ATP2B2: variants seen among roughly 807,000 people sequenced by gnomAD.
ATP2B2 encodes the protein ATPase plasma membrane Ca2+ transporting 2.
In ATP2B2, 15 loss-of-function variants were observed where a neutral mutation model predicts 120.0. The ratio of observed to expected loss-of-function variants is 0.12; its 90% CI spans 0.08 to 0.19. The LOEUF (loss-of-function observed/expected upper bound fraction) is 0.19. Ranked by LOEUF, ATP2B2 falls within the 10% of genes least tolerant of loss-of-function variation. ATP2B2 has a pLI of 1.00. For synonymous variants in ATP2B2, 694 were observed against 700.3 expected (o/e 0.99, Z 0.14); for missense variants, 1,045 against 1,719.8 (o/e 0.61, Z 6.94).
At chr3:10,552,253 A>G (rs1043632559) in intron 2 of ATP2B2, among the ~76,000 whole-genome samples, 4 of 152,324 alleles carry the variant, frequency 2.6e-5, no homozygotes, top group African/African-American at 9.6e-5. Flanking sequence ...GCCCCTGTGG[A>G]GCTACTCTGT....
intron 2 of ATP2B2, among the ~76,000 whole-genome samples, chr3:10,441,308 C>T (rs997596590): frequency 2.0e-5 from 3 of 152,106 alleles, no homozygotes; most frequent in Non-Finnish European, 4.4e-5. Flanking sequence ...AGGCTGATCT[C>T]GGCTCACTGC....
intron 1 of ATP2B2, among the ~76,000 whole-genome samples, chr3:10,699,639 G>A (rs1030944809): frequency 5.3e-5 from 8 of 152,108 alleles, no homozygotes; most frequent in East Asian, 1.9e-4. Context: ...GTTTAAGTGT[G>A]TTCCCCAAAG....
In ATP2B2 at chr3:10,371,991, C is replaced by A; in HGVS notation, c.1477G>T (p.Ala493Ser). The change falls in exon 12 of 23, where the codon GCC (alanine) becomes TCC (serine). Residue 493 changes from alanine (A) to serine (S), a missense_variant. This residue lies in a region of ATP2B2 where 343 missense variants were observed against 536.8 expected (regional missense o/e 0.64). Transcript: ENST00000360273. Reference sequence around the variant, plus strand: ...GTCTTGTCTGAGCAGATGGCTGTGGCATTGCCCATGGTCTCACAGGCATCC... The same window carrying A: ...GTCTTGTCTGAGCAGATGGCTGTGGAATTGCCCATGGTCTCACAGGCATCC... The part of the protein sequence containing the change: ...HLDACETMGN[A>S]TAICSDKTGT... 6.2e-7 allele frequency: 1 copy of A among 1,614,192 alleles called. No homozygotes were observed. Among genetic ancestry groups the A allele is most frequent in the African/African-American group, 1.3e-5 (1 of 75,026 alleles).
chr3:10,621,932 C>A (rs1429866497), intron 1 of ATP2B2, among the ~76,000 whole-genome samples: 6 of 152,256 alleles, frequency 3.9e-5, no homozygotes, highest in Admixed American at 2.0e-4. Flanking sequence ...ACACGCAGCG[C>A]CCCATTAAGC....
chr3:10,385,174 T>C (rs2061638285), intron 8 of ATP2B2, 94 bp downstream of exon 8: 2 of 1,263,138 alleles, frequency 1.6e-6, no homozygotes, highest in Admixed American at 3.6e-5. Context: ...CCGAGATCTG[T>C]GCAGTCCAGA....
intron 6 of ATP2B2, 111 bp from the exon 7 acceptor site, chr3:10,386,623 A>C: frequency 8.5e-7 from 1 of 1,171,914 alleles, no homozygotes; most frequent in Non-Finnish European, 1.3e-6. Context: ...ATGGCCATAC[A>C]CCTAGGGTCA....
intron 1 of ATP2B2, among the ~76,000 whole-genome samples, chr3:10,488,416 T>C (rs1471010002): frequency 4.6e-5 from 7 of 151,126 alleles, no homozygotes; most frequent in Non-Finnish European, 8.9e-5. Flanking sequence ...CACCCACCCA[T>C]TCATCTCTTC....
intron 3 of ATP2B2, among the ~76,000 whole-genome samples, chr3:10,514,201 C>T (rs1044832553): frequency 6.6e-6 from 1 of 152,190 alleles, no homozygotes. Flanking sequence ...TCCTTAGTCC[C>T]TGCCTGTTCT....
intron 2 of ATP2B2, among the ~76,000 whole-genome samples, chr3:10,574,233 C>G (rs1330124151): frequency 6.6e-6 from 1 of 152,222 alleles, no homozygotes; most frequent in African/African-American, 2.4e-5. Flanking sequence ...GCCTAGGAGT[C>G]TATTCCACAT....
Position 10,410,484 on chromosome 3 carries a change from T to TG in ATP2B2, c.397+133dup. On this transcript the variant is annotated intron_variant, in intron 3 of 22. Coordinates refer to ENST00000360273, the MANE Select transcript of ATP2B2 (RefSeq NM_001001331.4). ...ACCCTTTGGCTGTGTTGGCTATGGGTGGGGCCCTGCCCCTTGGACCTCGGT... is the reference window on the plus strand; with the variant it reads ...ACCCTTTGGCTGTGTTGGCTATGGGTGGGGGCCCTGCCCCTTGGACCTCGGT... The TG allele has an allele frequency of 3.4e-6, 4 of 1,163,774 alleles. No homozygotes were observed. In the South Asian group the frequency reaches 6.2e-5, roughly 18 times the overall value. 72.1% of individuals were successfully genotyped at this position (1,163,774 alleles called of 1,614,324 possible).
At chr3:10,348,519 C>T (rs1033328038) in intron 16 of ATP2B2, among the ~76,000 whole-genome samples, 7 of 152,220 alleles carry the variant, frequency 4.6e-5, no homozygotes, top group African/African-American at 1.7e-4. Flanking sequence ...CCACCTGCTC[C>T]AGTCTCCTGT....
At position 10,475,650 on chromosome 3, in the gene ATP2B2, C is replaced by T. The variant is rs559524809; in HGVS notation, c.-319-25788G>A. ...CCTGCCTAGGCTTTTATAGGCCTAA[C>T]CCTGTTAGAGGAGTTCTGCAGTTCC... is the stretch of plus-strand genomic sequence containing the variant. On this transcript the variant is annotated intron_variant, in intron 1 of 22. Coordinates refer to ENST00000360273, the MANE Select transcript of ATP2B2 (RefSeq NM_001001331.4). Among the ~76,000 whole-genome samples, 14 of 152,294 alleles carry T rather than the reference C, an allele frequency of 9.2e-5. No individual in the cohort carries two copies. The South Asian group carries it at 2.9e-3, about 32-fold the overall frequency.
chr3:10,667,825 A>G (rs77987437), intron 1 of ATP2B2, among the ~76,000 whole-genome samples: 4,273 of 152,322 alleles, frequency 0.028, 78 homozygotes, highest in South Asian at 0.088. Context: ...AAAAACCTCC[A>G]GCAGTCCAGG....
At chr3:10,508,164 G>A (rs113222553), upstream of ATP2B2, among the ~76,000 whole-genome samples, 4,544 of 152,216 alleles carry the variant, frequency 0.03, 143 homozygotes, top group East Asian at 0.16. Context: ...GTCTTTCAGC[G>A]CCTGCATCCA....
At position 10,351,612 on chromosome 3, in the gene ATP2B2, C is replaced by T. The variant is rs145949657; in HGVS notation, c.2137-1035G>A. Among the ~76,000 whole-genome samples the T allele has an allele frequency of 2.0e-3, 302 of 152,240 alleles. 2 individuals are homozygous for T. Among genetic ancestry groups the T allele is most frequent in the African/African-American group, 7.0e-3 (289 of 41,528 alleles). On this transcript the variant is annotated intron_variant, in intron 14 of 22. Transcript: ENST00000360273. The stretch of plus-strand genomic sequence containing the variant: ...GACTATGGATTGAGTTGTATTCCCC[C>T]CAAAAGACAGACTGGAGCCCTAAGC...
chr3:10,399,110 A>C (rs933848632), intron 5 of ATP2B2, among the ~76,000 whole-genome samples: 1 of 152,152 alleles, frequency 6.6e-6, no homozygotes, highest in Non-Finnish European at 1.5e-5. Flanking sequence ...AACTGTCTGA[A>C]GTTTCCATCT....
intron 1 of ATP2B2, among the ~76,000 whole-genome samples, chr3:10,649,642 G>C (rs535270941): frequency 8.5e-5 from 13 of 152,336 alleles, no homozygotes; most frequent in African/African-American, 2.9e-4. Context: ...TGGATGGATA[G>C]GATAAATGGA....
chr3:10,503,679 T>C (rs1358475266), intron 1 of ATP2B2, among the ~76,000 whole-genome samples: 1 of 152,234 alleles, frequency 6.6e-6, no homozygotes, highest in Non-Finnish European at 1.5e-5. Flanking sequence ...CATTCACCTG[T>C]GGGCACATTC....
Position 10,328,322 on chromosome 3 carries a change from T to C in ATP2B2, c.*492A>G, listed in dbSNP as rs1361069344. 1 of 162,428 alleles carries C rather than the reference T, an allele frequency of 6.2e-6. No individual in the cohort carries two copies. Among genetic ancestry groups the C allele is most frequent in the South Asian group, 1.7e-4 (1 of 5,838 alleles). 10.1% of individuals were successfully genotyped at this position (162,428 alleles called of 1,614,324 possible). On this transcript the variant is annotated 3_prime_UTR_variant, in exon 23 of 23. Coordinates refer to ENST00000360273, the MANE Select transcript of ATP2B2 (RefSeq NM_001001331.4). ...AAATTAATCTATACAACTGAGACCA[T>C]GCTGTGCAAGCATTTCAAAAACTCA... is the stretch of plus-strand genomic sequence containing the variant.
Sources: gnomAD v4.1 joint callset for allele counts (sites outside exome capture counted in the v4.1 genomes callset) on GRCh38, gnomAD v4.1.1 for gene constraint, gnomAD v4.1.1 regional missense constraint, MANE v1.5 for transcripts, NCBI Gene and HGNC (gene_info 2026-07-23, HGNC 2026-07-21) for gene names.